KDELR2: variants seen among roughly 807,000 people sequenced by gnomAD.
The protein encoded by KDELR2 is KDEL endoplasmic reticulum protein retention receptor 2.
A neutral mutation model predicts 23.9 loss-of-function variants in KDELR2; 15 were observed. The observed-to-expected ratio is 0.63, with a 90% confidence interval of 0.42 to 0.97. The LOEUF is 0.97. Ranked by LOEUF, KDELR2 falls within the 50% of genes least tolerant of loss-of-function variation. The pLI is 0.00. For missense variants in KDELR2, 272 were observed against 254.6 expected (o/e 1.07, Z -0.46); for synonymous variants, 119 against 106.2 (o/e 1.12, Z -0.74).
intron 1 of KDELR2, among the ~76,000 whole-genome samples, chr7:6,483,708 G>C (rs560968720): frequency 1.3e-5 from 2 of 152,192 alleles, no homozygotes; most frequent in East Asian, 1.9e-4. Flanking sequence ...GCCCCGCGCA[G>C]CCGGGTGCGC....
intron 2 of KDELR2, chr7:6,470,318 A>G (rs1785602610): frequency 6.6e-6 from 1 of 152,248 alleles, no homozygotes; most frequent in South Asian, 2.1e-4. Flanking sequence ...ATACTCTTGG[A>G]GAATCTCCCA....
At chr7:6,469,350 G>A (rs531383866) in intron 3 of KDELR2, among the ~76,000 whole-genome samples, 1 of 152,030 alleles carries the variant, frequency 6.6e-6, no homozygotes, top group Non-Finnish European at 1.5e-5. Context: ...CCGCCTCCTG[G>A]GTTCAAGTGA....
intron 3 of KDELR2, 86 bp from the exon 4 acceptor site, chr7:6,466,409 C>T (rs943472976): frequency 1.3e-6 from 2 of 1,539,002 alleles, no homozygotes; most frequent in African/African-American, 1.4e-5. Flanking sequence ...TACCACAAAG[C>T]AGCCTAAGAT....
intron 2 of KDELR2, among the ~76,000 whole-genome samples, chr7:6,473,093 TTTTTTTTTTTTA>T (rs1271136602): frequency 1.1e-4 from 16 of 145,002 alleles, no homozygotes; most frequent in Admixed American, 1.0e-3. Context: ...TTTTTTTTTT[TTTTTTTTTTTTA>T]GAGACAGGGG....
At chr7:6,475,152 C>T (rs1448994239) in intron 1 of KDELR2, among the ~76,000 whole-genome samples, 1 of 152,194 alleles carries the variant, frequency 6.6e-6, no homozygotes, top group African/African-American at 2.4e-5. Flanking sequence ...ATTTTTAAAG[C>T]TTCCCTCTCA....
chr7:6,472,912 T>C (rs1002533909), intron 2 of KDELR2, among the ~76,000 whole-genome samples: 3 of 148,756 alleles, frequency 2.0e-5, no homozygotes, highest in Non-Finnish European at 3.0e-5. Context: ...TTTTTTTTTT[T>C]TTTTTCAGAC....
At chr7:6,469,830 C>G in intron 2 of KDELR2, 76 bp from the exon 3 acceptor site, 1 of 1,297,552 alleles carries the variant, frequency 7.7e-7, no homozygotes, top group South Asian at 1.6e-5. Flanking sequence ...TTTAATCACC[C>G]ATGTATTTGG....
chr7:6,476,144 T>C (rs781600384), intron 1 of KDELR2, among the ~76,000 whole-genome samples: 31 of 152,224 alleles, frequency 2.0e-4, no homozygotes, highest in Non-Finnish European at 4.3e-4. Context: ...TTGCTGAAAC[T>C]GAAAACCTGA....
chr7:6,481,324 C>T (rs1785885260), intron 1 of KDELR2, among the ~76,000 whole-genome samples: 1 of 139,216 alleles, frequency 7.2e-6, no homozygotes, highest in Non-Finnish European at 1.5e-5. Context: ...GAGATCACAC[C>T]ATTGCGCTCC....
In KDELR2 at chr7:6,481,969, G is replaced by GTTTATTTATTTA. The variant is rs66801708; in HGVS notation, c.91+1986_91+1997dup. 3.0e-4 allele frequency among the ~76,000 whole-genome samples: 44 copies of GTTTATTTATTTA among 147,386 alleles called. 1 individual carries two copies. Among genetic ancestry groups the GTTTATTTATTTA allele is most frequent in the Admixed American group, 2.5e-3 (37 of 14,664 alleles). On this transcript the variant is annotated intron_variant, in intron 1 of 4. Coordinates refer to ENST00000258739, the MANE Select transcript of KDELR2 (RefSeq NM_006854.4). ...ACAATAGCACCTACCTCCTAAGGTC[G>GTTTATTTATTTA]TTTATTTATTTATTTATTTATTTAT...
At chr7:6,464,932 C>T (rs1045312552) in intron 4 of KDELR2, among the ~76,000 whole-genome samples, 4 of 151,732 alleles carry the variant, frequency 2.6e-5, no homozygotes, top group Non-Finnish European at 4.4e-5. Context: ...GATGGGGTTT[C>T]GCCATGTTGG....
At chr7:6,474,884 G>A (rs1785722530) in intron 1 of KDELR2, among the ~76,000 whole-genome samples, 1 of 152,126 alleles carries the variant, frequency 6.6e-6, no homozygotes, top group Non-Finnish European at 1.5e-5. Context: ...TTGAACTCCT[G>A]GGCCCAGCTT....
At chr7:6,471,332 C>T (rs918521792) in intron 2 of KDELR2, among the ~76,000 whole-genome samples, 2 of 151,460 alleles carry the variant, frequency 1.3e-5, no homozygotes, top group South Asian at 4.2e-4. Context: ...CAAGCGCCTG[C>T]CACCATGCCC....
chr7:6,466,037 ACT>A lies in KDELR2; in HGVS notation c.604+32_604+33del, dbSNP rs760293994. 2.5e-6 allele frequency: 4 copies of A among 1,606,036 alleles called. No individual in the cohort carries two copies. The African/African-American group carries it at 5.4e-5, about 22-fold the overall frequency. On this transcript the variant is annotated intron_variant, in intron 4 of 4. Coordinates refer to ENST00000258739, the MANE Select transcript of KDELR2 (RefSeq NM_006854.4). ...AAGGGCACTCCTAAAAGAACACGTC[ACT>A]CTAGAAACAACGCAGGTCGCACCCA...
At position 6,461,864 on chromosome 7, in the gene KDELR2, G is replaced by A. The variant is rs979414921; in HGVS notation, c.*1277C>T. ...CAAATCCATATAATGGCAAAATCAGGAAAAAAATTCTAGTATTTCCACAAA... is the reference window on the plus strand; with the variant it reads ...CAAATCCATATAATGGCAAAATCAGAAAAAAAATTCTAGTATTTCCACAAA... On this transcript the variant is annotated 3_prime_UTR_variant, in exon 5 of 5. Coordinates refer to ENST00000258739, the MANE Select transcript of KDELR2 (RefSeq NM_006854.4). The A allele has an allele frequency of 2.0e-5, 3 of 151,752 alleles. No homozygotes were observed. The highest frequency in any genetic ancestry group is 2.9e-5 in the Non-Finnish European group (2 of 67,956). 9.4% of individuals were successfully genotyped at this position (151,752 alleles called of 1,614,324 possible).
At position 6,466,039 on chromosome 7, in the gene KDELR2, T is replaced by C. The variant is rs766079930; in HGVS notation, c.604+32A>G. 5.0e-6 allele frequency: 8 copies of C among 1,608,692 alleles called. No homozygotes were observed. In the South Asian group the frequency reaches 6.6e-5, roughly 13 times the overall value. On this transcript the variant is annotated intron_variant, in intron 4 of 4. Coordinates refer to ENST00000258739, the MANE Select transcript of KDELR2 (RefSeq NM_006854.4). ...GGGCACTCCTAAAAGAACACGTCACTCTAGAAACAACGCAGGTCGCACCCA... is the reference window on the plus strand; with the variant it reads ...GGGCACTCCTAAAAGAACACGTCACCCTAGAAACAACGCAGGTCGCACCCA...
intron 2 of KDELR2, among the ~76,000 whole-genome samples, chr7:6,470,961 CAAA>C (rs759054456): frequency 8.6e-5 from 13 of 151,064 alleles, no homozygotes; most frequent in African/African-American, 3.2e-4. Flanking sequence ...AAAAAAAATA[CAAA>C]AAATTAGCCG....
chr7:6,464,447 A>T (rs1785456234), intron 4 of KDELR2, among the ~76,000 whole-genome samples: 1 of 152,070 alleles, frequency 6.6e-6, no homozygotes, highest in African/African-American at 2.4e-5. Flanking sequence ...TGAAGCTGCA[A>T]GGTGGAGGTT....
At chr7:6,476,279 C>T (rs1246821873) in intron 1 of KDELR2, among the ~76,000 whole-genome samples, 1 of 145,296 alleles carries the variant, frequency 6.9e-6, no homozygotes, top group Non-Finnish European at 1.5e-5. Context: ...AACCAAAGGG[C>T]CAAAGGAGGA....
Sources: gnomAD v4.1 joint callset for allele counts (sites outside exome capture counted in the v4.1 genomes callset) on GRCh38, gnomAD v4.1.1 for gene constraint, MANE v1.5 for transcripts, NCBI Gene and HGNC (gene_info 2026-07-23, HGNC 2026-07-21) for gene names.